COMMD7: variants seen among roughly 807,000 people sequenced by gnomAD.
The protein encoded by COMMD7 is COMM domain-containing protein 7.
Under a neutral mutation model 34.8 loss-of-function variants are expected in COMMD7, and 28 were observed. The observed-to-expected ratio is 0.80, with a 90% confidence interval of 0.60 to 1.10. The LOEUF (loss-of-function observed/expected upper bound fraction) is 1.10. Ranked by LOEUF, COMMD7 falls within the 50% of genes least tolerant of loss-of-function variation. The probability of loss-of-function intolerance (pLI) is 0.00; values close to 1 mark genes in which losing one functional copy is unlikely to be tolerated. For synonymous variants in COMMD7, 80 were observed against 86.4 expected (o/e 0.93, Z 0.41); for missense variants, 211 against 241.6 (o/e 0.87, Z 0.84).
intron 3 of COMMD7, among the ~76,000 whole-genome samples, chr20:32,711,938 A>C (rs1207219441): frequency 3.3e-5 from 5 of 149,772 alleles, no homozygotes; most frequent in Admixed American, 3.3e-4. Flanking sequence ...TAATCCCAGC[A>C]CTTTCGGAGG....
chr20:32,709,674 C>G (rs558116097), intron 3 of COMMD7, among the ~76,000 whole-genome samples: 1 of 152,274 alleles, frequency 6.6e-6, no homozygotes, highest in Non-Finnish European at 1.5e-5. Context: ...GTACAACACC[C>G]TGCATGCTCT....
intron 3 of COMMD7, among the ~76,000 whole-genome samples, chr20:32,710,528 C>T (rs1164137096): frequency 3.3e-5 from 5 of 151,258 alleles, no homozygotes; most frequent in Admixed American, 3.3e-4. Context: ...CCCAGGGGTT[C>T]AAGACCAGTC....
At chr20:32,741,016 G>A (rs908175364) in intron 1 of COMMD7, among the ~76,000 whole-genome samples, 8 of 151,930 alleles carry the variant, frequency 5.3e-5, no homozygotes, top group South Asian at 4.2e-4. Context: ...GGTGGTGCAC[G>A]CCTGTAGTCC....
At chr20:32,739,676 A>C (rs1285604061) in intron 1 of COMMD7, among the ~76,000 whole-genome samples, 1 of 130,338 alleles carries the variant, frequency 7.7e-6, no homozygotes, top group Non-Finnish European at 1.6e-5. Context: ...ACATAAAAGC[A>C]CTTAGATCCC....
At chr20:32,707,050 GATCACGAC>G (rs1182451757) in intron 3 of COMMD7, among the ~76,000 whole-genome samples, 1 of 150,140 alleles carries the variant, frequency 6.7e-6, no homozygotes, top group Non-Finnish European at 1.5e-5. Context: ...GAGGCAGGTG[GATCACGAC>G]ATCAGGAGAT....
chr20:32,715,947 C>A (rs1239516485), intron 3 of COMMD7, among the ~76,000 whole-genome samples: 1 of 152,212 alleles, frequency 6.6e-6, no homozygotes, highest in African/African-American at 2.4e-5. Context: ...ATATTAGCAG[C>A]AGTGTGCTAC....
intron 5 of COMMD7, among the ~76,000 whole-genome samples, chr20:32,705,376 A>ATATATATATATATATTT (rs1335467096): frequency 1.6e-5 from 2 of 125,458 alleles, no homozygotes; most frequent in African/African-American, 6.9e-5. Flanking sequence ...ATATATATAT[A>ATATATATATATATATTT]TTTTTTTTTT....
chr20:32,707,324 T>C lies in COMMD7; in HGVS notation c.242-564A>G, dbSNP rs377760087. Among the ~76,000 whole-genome samples the C allele has an allele frequency of 3.0e-4, 38 of 127,338 alleles. No individual in the cohort carries two copies. The South Asian group carries it at 9.8e-3, about 33-fold the overall frequency. 83.5% of individuals were successfully genotyped at this position (127,338 alleles called of 152,430 possible). ...ATATATATATACTTATCTCAAAATA[T>C]ATATATATTTTTTGAGACGGAGTCT... is the stretch of plus-strand genomic sequence containing the variant. On this transcript the variant is annotated intron_variant, in intron 3 of 8. Transcript: ENST00000278980.
At chr20:32,717,460 G>A (rs993793154) in intron 3 of COMMD7, among the ~76,000 whole-genome samples, 5 of 151,940 alleles carry the variant, frequency 3.3e-5, no homozygotes, top group Admixed American at 6.6e-5. Context: ...CAAGTAGCTG[G>A]GATTACAGGC....
At chr20:32,742,603 C>T (rs1194868772) in intron 1 of COMMD7, 1 of 152,198 alleles carries the variant, frequency 6.6e-6, no homozygotes, top group Admixed American at 6.6e-5. Context: ...GCTCCCCTAC[C>T]ATCGAGGATG....
intron 1 of COMMD7, among the ~76,000 whole-genome samples, chr20:32,732,506 C>A (rs1985896302): frequency 6.6e-6 from 1 of 152,150 alleles, no homozygotes; most frequent in Non-Finnish European, 1.5e-5. Flanking sequence ...GTGGCTCATG[C>A]CTGTAATGCC....
chr20:32,726,134 T>C (rs1985498874), intron 3 of COMMD7, among the ~76,000 whole-genome samples: 1 of 151,090 alleles, frequency 6.6e-6, no homozygotes, highest in Non-Finnish European at 1.5e-5. Context: ...CTCATGTCTG[T>C]AATCCAGCAC....
chr20:32,719,168 T>C (rs933787518), intron 3 of COMMD7, among the ~76,000 whole-genome samples: 1 of 152,012 alleles, frequency 6.6e-6, no homozygotes, highest in African/African-American at 2.4e-5. Flanking sequence ...AGGTAAACAG[T>C]TGAGAGAAGC....
At chr20:32,714,517 G>A (rs1346404985) in intron 3 of COMMD7, among the ~76,000 whole-genome samples, 3 of 151,348 alleles carry the variant, frequency 2.0e-5, no homozygotes, top group African/African-American at 4.9e-5. Context: ...GTGAAACCCC[G>A]TCTCTACTAA....
intron 3 of COMMD7, among the ~76,000 whole-genome samples, chr20:32,709,878 T>C (rs1984328130): frequency 6.6e-6 from 1 of 151,762 alleles, no homozygotes; most frequent in Non-Finnish European, 1.5e-5. Flanking sequence ...TTCACATTTT[T>C]TCTTTTTTTA....
At position 32,710,691 on chromosome 20, in the gene COMMD7, T is replaced by C. The variant is rs533629909; in HGVS notation, c.242-3931A>G. On this transcript the variant is annotated intron_variant, in intron 3 of 8. Transcript: ENST00000278980. ...CTACAGTGAACCATAATTGCATCAC[T>C]GCACTCCAGCCTATGTAACAGGGTG... 2.8e-5 allele frequency among the ~76,000 whole-genome samples: 4 copies of C among 143,436 alleles called. No homozygotes were observed. The East Asian group carries it at 8.2e-4, about 30-fold the overall frequency. The allele number at this position is 143,436 out of a possible 152,430, so 94.1% of individuals were successfully genotyped here. A position where few individuals can be genotyped will look rare whatever the true frequency, so the allele number is the denominator to read the frequency against.
At chr20:32,709,519 A>C (rs1439799877) in intron 3 of COMMD7, among the ~76,000 whole-genome samples, 1 of 152,136 alleles carries the variant, frequency 6.6e-6, no homozygotes, top group Non-Finnish European at 1.5e-5. Flanking sequence ...CACTGCACTC[A>C]AGCCTGGGCG....
At chr20:32,734,550 A>C (rs1986035135) in intron 1 of COMMD7, among the ~76,000 whole-genome samples, 1 of 152,118 alleles carries the variant, frequency 6.6e-6, no homozygotes, top group African/African-American at 2.4e-5. Flanking sequence ...TATATATAAA[A>C]ATTCAAAGCC....
chr20:32,727,306 T>C (rs545274650), intron 3 of COMMD7, among the ~76,000 whole-genome samples: 1 of 151,816 alleles, frequency 6.6e-6, no homozygotes, highest in Non-Finnish European at 1.5e-5. Context: ...CCCAGCACTA[T>C]GGGAGGCTGA....
Sources: gnomAD v4.1 joint callset for allele counts (sites outside exome capture counted in the v4.1 genomes callset) on GRCh38, gnomAD v4.1.1 for gene constraint, MANE v1.5 for transcripts, NCBI Gene and HGNC (gene_info 2026-07-23, HGNC 2026-07-21) for gene names.